Variants in SCLT1 observed in about 807,000 individuals in gnomAD.
The protein encoded by SCLT1 is sodium channel and clathrin linker 1.
A neutral mutation model predicts 112.8 loss-of-function variants in SCLT1; 78 were observed. That is an observed-to-expected ratio of 0.69 (90% confidence interval 0.58 to 0.83). The LOEUF (loss-of-function observed/expected upper bound fraction) is 0.83. Among genes scored for constraint, SCLT1 ranks in the 40% least tolerant of loss-of-function variants. SCLT1 has a pLI of 0.00. For synonymous variants in SCLT1, 257 were observed against 254.7 expected (o/e 1.01, Z -0.09); for missense variants, 747 against 770.4 (o/e 0.97, Z 0.36).
chr4:128,891,706 A>T (rs183658221), intron 18 of SCLT1, among the ~76,000 whole-genome samples: 2 of 143,128 alleles, frequency 1.4e-5, no homozygotes, highest in Non-Finnish European at 3.0e-5. Context: ...GTGCAGTGGC[A>T]TGATCTTGGC....
chr4:128,952,096 G>A (rs573531998), intron 14 of SCLT1, among the ~76,000 whole-genome samples: 1 of 152,234 alleles, frequency 6.6e-6, no homozygotes, highest in East Asian at 1.9e-4. Flanking sequence ...GATTTTCATG[G>A]AGAGAGACAG....
chr4:128,893,905 C>A (rs1638900586), intron 18 of SCLT1, among the ~76,000 whole-genome samples: 1 of 151,882 alleles, frequency 6.6e-6, no homozygotes, highest in African/African-American at 2.4e-5. Context: ...AAGTAACTTG[C>A]CTAGGGTCAC....
chr4:129,079,301 C>G (rs1751729192), intron 2 of SCLT1, among the ~76,000 whole-genome samples: 1 of 152,194 alleles, frequency 6.6e-6, no homozygotes, highest in Non-Finnish European at 1.5e-5. Context: ...TGAGACAAGA[C>G]AAGACCCTTC....
At chr4:129,064,452 A>G (rs953070543) in intron 2 of SCLT1, among the ~76,000 whole-genome samples, 1 of 152,188 alleles carries the variant, frequency 6.6e-6, no homozygotes, top group African/African-American at 2.4e-5. Context: ...GTATAGATTC[A>G]CATCTCCAGT....
intron 2 of SCLT1, among the ~76,000 whole-genome samples, chr4:129,070,947 T>G (rs1750950259): frequency 6.6e-6 from 1 of 152,174 alleles, no homozygotes; most frequent in Admixed American, 6.6e-5. Context: ...CTGCCTTTGC[T>G]GTATCCCACA....
chr4:128,992,003 T>C (rs1263364798), intron 9 of SCLT1, among the ~76,000 whole-genome samples, 164 bp downstream of exon 9: 1 of 151,836 alleles, frequency 6.6e-6, no homozygotes, highest in African/African-American at 2.4e-5. Context: ...TAATCTTGAT[T>C]TCAGTTTCTT....
At chr4:129,030,851 C>T (rs777729150) in intron 5 of SCLT1, among the ~76,000 whole-genome samples, 8 of 152,004 alleles carry the variant, frequency 5.3e-5, no homozygotes, top group Non-Finnish European at 8.8e-5. Context: ...CAGGACCAGA[C>T]AGATTCACAG....
chr4:128,943,232 C>G, intron 16 of SCLT1, 44 bp from the exon 17 acceptor site: 2 of 1,338,248 alleles, frequency 1.5e-6, no homozygotes, highest in Non-Finnish European at 1.0e-6. Flanking sequence ...ACTTAATGAT[C>G]TATAGTAGAA....
chr4:128,984,110 C>A (rs1741895531), intron 9 of SCLT1, among the ~76,000 whole-genome samples: 1 of 152,160 alleles, frequency 6.6e-6, no homozygotes, highest in African/African-American at 2.4e-5. Context: ...TGTTCATGGA[C>A]AATTAAACAC....
At chr4:129,034,063 T>G (rs1456415988) in intron 5 of SCLT1, among the ~76,000 whole-genome samples, 1 of 152,154 alleles carries the variant, frequency 6.6e-6, no homozygotes, top group Admixed American at 6.5e-5. Context: ...TTTCTCTTTT[T>G]CACTCAAGAA....
intron 4 of SCLT1, chr4:129,039,722 G>C (rs1747501900): frequency 6.2e-6 from 1 of 161,864 alleles, no homozygotes; most frequent in Admixed American, 5.8e-5. Flanking sequence ...ATGCACACCA[G>C]AAAGGGAATT....
intron 18 of SCLT1, among the ~76,000 whole-genome samples, chr4:128,903,305 G>A (rs777876437): frequency 3.3e-5 from 5 of 151,880 alleles, no homozygotes; most frequent in African/African-American, 7.3e-5. Context: ...ACGTCACTAC[G>A]CAACAGGAAT....
chr4:128,886,976 A>C (rs1410938203), intron 20 of SCLT1, among the ~76,000 whole-genome samples: 1 of 152,212 alleles, frequency 6.6e-6, no homozygotes, highest in African/African-American at 2.4e-5. Flanking sequence ...AATTTCTTAC[A>C]TATCTGTCTA....
At chr4:129,040,412 T>C (rs2125694623) in intron 4 of SCLT1, among the ~76,000 whole-genome samples, 1 of 152,296 alleles carries the variant, frequency 6.6e-6, no homozygotes, top group African/African-American at 2.4e-5. Flanking sequence ...TAAGATGGGG[T>C]CTCACTCTGT....
At chr4:128,914,740 C>A (rs1735351444) in intron 18 of SCLT1, among the ~76,000 whole-genome samples, 1 of 152,028 alleles carries the variant, frequency 6.6e-6, no homozygotes, top group Non-Finnish European at 1.5e-5. Flanking sequence ...ATTCTATGGA[C>A]CACATTTAGG....
intron 9 of SCLT1, among the ~76,000 whole-genome samples, chr4:128,977,795 T>C (rs968371657): frequency 6.6e-6 from 1 of 152,194 alleles, no homozygotes; most frequent in Non-Finnish European, 1.5e-5. Flanking sequence ...AAGGGCCTTC[T>C]GGATATACTA....
chr4:128,996,397 T>C (rs1330175243), intron 8 of SCLT1, among the ~76,000 whole-genome samples: 1 of 152,182 alleles, frequency 6.6e-6, no homozygotes, highest in Non-Finnish European at 1.5e-5. Context: ...TCTACATCTA[T>C]AAAAATCTAT....
At chr4:128,930,744 T>G (rs577619613) in intron 18 of SCLT1, among the ~76,000 whole-genome samples, 1 of 152,308 alleles carries the variant, frequency 6.6e-6, no homozygotes, top group South Asian at 2.1e-4. Flanking sequence ...GTAATATAAA[T>G]TGAGTTTTGA....
intron 18 of SCLT1, among the ~76,000 whole-genome samples, chr4:128,895,782 C>T (rs1227412043): frequency 6.6e-6 from 1 of 152,228 alleles, no homozygotes; most frequent in Non-Finnish European, 1.5e-5. Flanking sequence ...AATTCCCTTT[C>T]CTAGTCAAAG....
Sources: gnomAD v4.1 joint callset for allele counts (sites outside exome capture counted in the v4.1 genomes callset) on GRCh38, gnomAD v4.1.1 for gene constraint, MANE v1.5 for transcripts, NCBI Gene and HGNC (gene_info 2026-07-23, HGNC 2026-07-21) for gene names.